The following MAP7 variants were observed in gnomAD, a reference collection of about 807,000 sequenced individuals.
MAP7 encodes the protein ensconsin.
A neutral mutation model predicts 94.8 loss-of-function variants in MAP7; 52 were observed. The ratio of observed to expected loss-of-function variants is 0.55; its 90% CI spans 0.44 to 0.69. The LOEUF (loss-of-function observed/expected upper bound fraction) is 0.69, where lower values mean the gene tolerates loss of function less well. MAP7 is among the 30% of genes least tolerant of loss of function. The pLI is 0.00. For synonymous variants in MAP7, 350 were observed against 357.0 expected (o/e 0.98, Z 0.22); for missense variants, 940 against 964.6 (o/e 0.97, Z 0.34).
chr6:136,508,978 A>G (rs1041750589), intron 1 of MAP7, among the ~76,000 whole-genome samples: 1 of 152,220 alleles, frequency 6.6e-6, no homozygotes, highest in Non-Finnish European at 1.5e-5. Flanking sequence ...TTCTAAACAC[A>G]TCACCTGAAA....
At chr6:136,510,079 G>A (rs1423694662) in intron 1 of MAP7, among the ~76,000 whole-genome samples, 1 of 152,090 alleles carries the variant, frequency 6.6e-6, no homozygotes, top group African/African-American at 2.4e-5. Context: ...GCGTGTGCCT[G>A]TAGTCCCTGC....
rs541848861 is a variant in MAP7 at position 136,547,330 on chromosome 6, TAATC to T, written c.67+3008_67+3011del. Among the ~76,000 whole-genome samples the T allele has an allele frequency of 1.5e-3, 230 of 152,332 alleles. 1 individual carries two copies. Among genetic ancestry groups the T allele is most frequent in the African/African-American group, 5.1e-3 (214 of 41,582 alleles). On this transcript the variant is annotated intron_variant, in intron 1 of 17. Transcript: ENST00000354570. Reference sequence around the variant, plus strand: ...CTTCGTGCATGAAAGCTTCATGAATTAATCAAAAGCAGCTTTAAATTTGCTTTTA... The same window carrying T: ...CTTCGTGCATGAAAGCTTCATGAATTAAAAGCAGCTTTAAATTTGCTTTTA...
chr6:136,508,613 A>C (rs1402076476), intron 1 of MAP7, among the ~76,000 whole-genome samples: 1 of 152,164 alleles, frequency 6.6e-6, no homozygotes, highest in Non-Finnish European at 1.5e-5. Flanking sequence ...TCAACTTCTA[A>C]GTCTCATAAA....
At chr6:136,443,239 T>C (rs1266262176) in intron 1 of MAP7, among the ~76,000 whole-genome samples, 2 of 152,176 alleles carry the variant, frequency 1.3e-5, no homozygotes, top group Admixed American at 6.5e-5. Context: ...CATGCTACTT[T>C]AGGTTTGTCG....
chr6:136,478,889 T>C (rs190092349), intron 1 of MAP7, among the ~76,000 whole-genome samples: 2,614 of 148,968 alleles, frequency 0.018, 26 homozygotes, highest in Middle Eastern at 0.028. Flanking sequence ...ATGCTAATCC[T>C]ACTCAAATTT....
Position 136,480,484 on chromosome 6 carries a change from TACAA to T in MAP7, c.68-58689_68-58686del, listed in dbSNP as rs781113800. Among the ~76,000 whole-genome samples, 11 of 151,090 alleles carry T rather than the reference TACAA, an allele frequency of 7.3e-5. No individual in the cohort carries two copies. The South Asian group carries it at 1.2e-3, about 17-fold the overall frequency. On this transcript the variant is annotated intron_variant, in intron 1 of 17. Transcript: ENST00000354570. ...GGTGAAACCCCATCTCTACTAAAAA[TACAA>T]ACAATTAGCTGGGCATGGTGGCGGG...
chr6:136,495,242 C>A (rs1817836131), intron 1 of MAP7, among the ~76,000 whole-genome samples: 1 of 152,150 alleles, frequency 6.6e-6, no homozygotes, highest in Non-Finnish European at 1.5e-5. Flanking sequence ...ATCTAACTTA[C>A]TCCGAAAACT....
chr6:136,415,094 C>G (rs1310814014), intron 2 of MAP7, among the ~76,000 whole-genome samples: 3 of 152,052 alleles, frequency 2.0e-5, no homozygotes, highest in African/African-American at 7.2e-5. Context: ...CGTGAGCCAC[C>G]ATGCCCGATC....
At chr6:136,383,553 T>C (rs1296585849) in intron 6 of MAP7, 118 bp downstream of exon 6, 1 of 539,784 alleles carries the variant, frequency 1.9e-6, no homozygotes, top group African/African-American at 2.0e-5. Flanking sequence ...AGTTTTTTTC[T>C]TCCTATTTAA....
At chr6:136,513,129 G>A (rs2129034400) in intron 1 of MAP7, among the ~76,000 whole-genome samples, 1 of 152,300 alleles carries the variant, frequency 6.6e-6, no homozygotes, top group South Asian at 2.1e-4. Flanking sequence ...ATAGGCATGA[G>A]CCACTGCACC....
chr6:136,442,129 A>G (rs1404587705), intron 1 of MAP7, among the ~76,000 whole-genome samples: 1 of 152,178 alleles, frequency 6.6e-6, no homozygotes. Flanking sequence ...AAGGCTGGGC[A>G]TGGTGACTCA....
chr6:136,366,553 CTATGTCA>C lies in MAP7; in HGVS notation c.877-121_877-115del. 4 of 729,628 alleles carry C rather than the reference CTATGTCA, an allele frequency of 5.5e-6. No homozygotes were observed. The South Asian group carries it at 6.5e-5, about 12-fold the overall frequency. The allele number at this position is 729,628 out of a possible 1,614,324, so 45.2% of individuals were successfully genotyped here. ...AATGACTTTTAAGAAATTTTCTTAG[CTATGTCA>C]CATATACCCATTCCATCTCAACAAA... On this transcript the variant is annotated intron_variant, in intron 8 of 17. Transcript: ENST00000354570.
At chr6:136,543,926 A>G (rs1829525220) in intron 1 of MAP7, among the ~76,000 whole-genome samples, 1 of 152,048 alleles carries the variant, frequency 6.6e-6, no homozygotes, top group Non-Finnish European at 1.5e-5. Flanking sequence ...TTTTGCACAC[A>G]AATTATTTTT....
At chr6:136,388,577 G>T in intron 4 of MAP7, 67 bp from the exon 5 acceptor site, 1 of 1,243,962 alleles carries the variant, frequency 8.0e-7, no homozygotes, top group Non-Finnish European at 1.2e-6. Flanking sequence ...TCAATTTAAG[G>T]CAGAATGGAG....
chr6:136,402,097 C>T (rs1784268974), intron 3 of MAP7, among the ~76,000 whole-genome samples: 1 of 152,178 alleles, frequency 6.6e-6, no homozygotes. Context: ...TTCCCCCTGG[C>T]AAACTTCTGT....
intron 3 of MAP7, among the ~76,000 whole-genome samples, chr6:136,406,897 A>G (rs1482086637): frequency 6.6e-6 from 1 of 152,222 alleles, no homozygotes; most frequent in East Asian, 1.9e-4. Context: ...TGTATTAACG[A>G]TTCCATTTTT....
chr6:136,476,609 C>T (rs927335611), intron 1 of MAP7, among the ~76,000 whole-genome samples: 1 of 152,108 alleles, frequency 6.6e-6, no homozygotes, highest in Non-Finnish European at 1.5e-5. Context: ...TGTTCAAGTT[C>T]GTATGACTAG....
chr6:136,449,316 CAA>C (rs1190303516), intron 1 of MAP7, among the ~76,000 whole-genome samples: 1 of 151,700 alleles, frequency 6.6e-6, no homozygotes, highest in African/African-American at 2.4e-5. Context: ...AACAAACAAA[CAA>C]AAACGAAAAC....
At chr6:136,521,967 A>C (rs1322079527) in intron 1 of MAP7, among the ~76,000 whole-genome samples, 2 of 152,234 alleles carry the variant, frequency 1.3e-5, no homozygotes, top group Non-Finnish European at 2.9e-5. Flanking sequence ...TTCTGTGAGC[A>C]GAAACCATGT....
Sources: allele counts gnomAD v4.1 joint callset (sites outside exome capture counted in the v4.1 genomes callset), GRCh38; gene constraint gnomAD v4.1.1; transcripts MANE v1.5; gene names NCBI Gene and HGNC (gene_info 2026-07-23, HGNC 2026-07-21).